Variants in CUL5 observed in about 807,000 individuals in gnomAD.
The protein encoded by CUL5 is cullin-5.
CUL5 carries 26 observed loss-of-function variants against 108.8 expected under a neutral mutation model. That is an observed-to-expected ratio of 0.24 (90% CI 0.18 to 0.33). The LOEUF (loss-of-function observed/expected upper bound fraction) is 0.33, where lower values mean the gene tolerates loss of function less well. Among genes scored for constraint, CUL5 ranks in the 10% least tolerant of loss-of-function variants. The pLI, the probability that CUL5 is intolerant of heterozygous loss-of-function variation, is 1.00. For missense variants in CUL5, 524 were observed against 909.2 expected (o/e 0.58, Z 5.45); for synonymous variants, 334 against 298.0 (o/e 1.12, Z -1.25).
intron 7 of CUL5, among the ~76,000 whole-genome samples, chr11:108,059,151 A>G (rs374495578): frequency 1.3e-4 from 20 of 152,294 alleles, no homozygotes; most frequent in Middle Eastern, 3.4e-3. Flanking sequence ...TTGCTGGGAC[A>G]GTAGGCGCAT....
At chr11:108,045,428 C>T (rs1022827024) in intron 2 of CUL5, among the ~76,000 whole-genome samples, 1 of 151,860 alleles carries the variant, frequency 6.6e-6, no homozygotes, top group African/African-American at 2.4e-5. Context: ...CCCATCTCTA[C>T]CAAAAATTTA....
chr11:108,020,245 A>G (rs1050970318), intron 1 of CUL5, among the ~76,000 whole-genome samples: 7 of 152,206 alleles, frequency 4.6e-5, no homozygotes, highest in African/African-American at 1.7e-4. Flanking sequence ...TAACTGTAAA[A>G]TAGCCTCAGT....
chr11:108,033,770 T>G, intron 1 of CUL5, 32 bp from the exon 2 acceptor site: 1 of 1,373,344 alleles, frequency 7.3e-7, no homozygotes, highest in Middle Eastern at 1.8e-4. Context: ...TGCATTTAAA[T>G]TAAACTCCCT....
rs891731639 is a variant in CUL5, at chr11:108,107,438, C to G, written c.*3054C>G. ...GGTTTTTCTGTTCTCATGTAAGTGACTGGGATGCTGTCTTATGAATTCTTC... is the reference window on the plus strand; with the variant it reads ...GGTTTTTCTGTTCTCATGTAAGTGAGTGGGATGCTGTCTTATGAATTCTTC... On this transcript the variant is annotated 3_prime_UTR_variant, in exon 19 of 19. Coordinates refer to ENST00000393094, the MANE Select transcript of CUL5 (RefSeq NM_003478.6). 9.2e-5 allele frequency: 14 copies of G among 152,542 alleles called. No homozygotes were observed. The highest frequency in any genetic ancestry group is 2.4e-5 in the African/African-American group (1 of 41,438). The allele number at this position is 152,542 out of a possible 1,614,324, so 9.4% of individuals were successfully genotyped here. A position where few individuals can be genotyped will look rare whatever the true frequency, so the allele number is the denominator to read the frequency against.
At chr11:108,048,656 T>TTG (rs1863128629) in intron 3 of CUL5, among the ~76,000 whole-genome samples, 1 of 5,588 alleles carries the variant, frequency 1.8e-4, no homozygotes, top group African/African-American at 2.2e-4. Context: ...ACCTTTTTTT[T>TTG]TTTTTTTTTT....
intron 10 of CUL5, 118 bp downstream of exon 10, chr11:108,073,615 T>C: frequency 4.4e-6 from 2 of 453,766 alleles, no homozygotes; most frequent in East Asian, 3.6e-5. Flanking sequence ...CTAGCAACTG[T>C]TATTTTTCAT....
At chr11:108,083,290 A>G (rs1864143495) in intron 11 of CUL5, among the ~76,000 whole-genome samples, 3 of 152,196 alleles carry the variant, frequency 2.0e-5, no homozygotes, top group Non-Finnish European at 2.9e-5. Context: ...GATATACTAT[A>G]GCTTATTTAA....
At chr11:108,026,692 G>A (rs1199958959) in intron 1 of CUL5, among the ~76,000 whole-genome samples, 1 of 152,032 alleles carries the variant, frequency 6.6e-6, no homozygotes, top group Non-Finnish European at 1.5e-5. Flanking sequence ...CTGTATCCTA[G>A]CTTTAAAAAA....
At chr11:108,035,616 C>CT (rs1360712626) in intron 2 of CUL5, among the ~76,000 whole-genome samples, 59 of 151,768 alleles carry the variant, frequency 3.9e-4, no homozygotes, top group African/African-American at 1.4e-3. Context: ...TGGCACATGC[C>CT]TGTAGTCCCA....
chr11:108,057,485 A>G (rs930532759), intron 7 of CUL5, among the ~76,000 whole-genome samples: 1 of 152,228 alleles, frequency 6.6e-6, no homozygotes, highest in Non-Finnish European at 1.5e-5. Flanking sequence ...ACCCCGTGAT[A>G]TGATGCACTA....
chr11:108,069,996 A>ATTTTTTTTTTTTT, intron 7 of CUL5, 100 bp from the exon 8 acceptor site: 1 of 599,754 alleles, frequency 1.7e-6, no homozygotes, highest in Non-Finnish European at 2.8e-6. Context: ...TTTCAGTATA[A>ATTTTTTTTTTTTT]TTTTTTTTTT....
intron 7 of CUL5, among the ~76,000 whole-genome samples, chr11:108,064,885 C>T (rs949185440): frequency 2.0e-5 from 3 of 152,048 alleles, no homozygotes; most frequent in African/African-American, 4.8e-5. Context: ...AGTATTCCCT[C>T]CTCCTCTATT....
chr11:108,051,693 T>A (rs1863226713), intron 4 of CUL5, among the ~76,000 whole-genome samples: 1 of 152,218 alleles, frequency 6.6e-6, no homozygotes, highest in Non-Finnish European at 1.5e-5. Flanking sequence ...AGACCTTTTA[T>A]AAGGTCCAGT....
In CUL5 at chr11:108,075,471, G is replaced by A. The variant is rs369861313; in HGVS notation, c.1113+1974G>A. ...TAGTGGGAAAAGTATAAGGGATGTGGGAAGGTTTGACAGCATTTGTTACAC... is the reference window on the plus strand; with the variant it reads ...TAGTGGGAAAAGTATAAGGGATGTGAGAAGGTTTGACAGCATTTGTTACAC... On this transcript the variant is annotated intron_variant, in intron 10 of 18. Transcript: ENST00000393094. Among the ~76,000 whole-genome samples, 51 of 152,288 alleles carry A rather than the reference G, an allele frequency of 3.3e-4. No homozygotes were observed. In the South Asian group the frequency reaches 9.5e-3, roughly 28 times the overall value.
intron 7 of CUL5, among the ~76,000 whole-genome samples, chr11:108,063,464 G>A (rs574108508): frequency 2.6e-5 from 4 of 151,792 alleles, no homozygotes; most frequent in Non-Finnish European, 4.4e-5. Context: ...GGACAGTAAG[G>A]TTCCTTCCAA....
chr11:108,062,750 A>G (rs906403207), intron 7 of CUL5, among the ~76,000 whole-genome samples: 10 of 152,066 alleles, frequency 6.6e-5, no homozygotes, highest in African/African-American at 2.2e-4. Context: ...ATATTCTTTT[A>G]TTATTTTTAA....
At chr11:108,081,241 T>A (rs1017423858) in intron 11 of CUL5, among the ~76,000 whole-genome samples, 2 of 151,830 alleles carry the variant, frequency 1.3e-5, no homozygotes, top group South Asian at 4.2e-4. Context: ...TGAGCCGAGA[T>A]CGTGCCATTA....
intron 17 of CUL5, among the ~76,000 whole-genome samples, chr11:108,098,171 A>G (rs1405108109): frequency 1.3e-5 from 2 of 152,258 alleles, no homozygotes; most frequent in East Asian, 1.9e-4. Flanking sequence ...ATAAAATATT[A>G]ACTTTGTTTT....
intron 8 of CUL5, among the ~76,000 whole-genome samples, chr11:108,070,641 A>G (rs776445530): frequency 1.3e-5 from 2 of 152,094 alleles, no homozygotes; most frequent in African/African-American, 2.4e-5. Context: ...TATTACTTCA[A>G]TGTTTTCTTA....
Sources: allele counts gnomAD v4.1 joint callset (sites outside exome capture counted in the v4.1 genomes callset), GRCh38; gene constraint gnomAD v4.1.1; transcripts MANE v1.5; gene names NCBI Gene and HGNC (gene_info 2026-07-23, HGNC 2026-07-21).